BBS2: variants seen among roughly 807,000 people sequenced by gnomAD.
BBS2 encodes the protein BBSome complex member BBS2.
In BBS2, 62 loss-of-function variants were observed where a neutral mutation model predicts 83.0. That is an observed-to-expected ratio of 0.75 (90% CI 0.61 to 0.92). The LOEUF is 0.92. BBS2 is among the 40% of genes least tolerant of loss of function. The probability of loss-of-function intolerance (pLI) is 0.00; values close to 1 mark genes in which losing one functional copy is unlikely to be tolerated. For missense variants in BBS2, 784 were observed against 901.0 expected, an observed-to-expected ratio of 0.87 and a Z score of 1.66; for synonymous variants, 303 against 326.1, an observed-to-expected ratio of 0.93 and a Z score of 0.76.
At chr16:56,495,961 A>G (rs1276308128) in intron 15 of BBS2, among the ~76,000 whole-genome samples, 1 of 151,978 alleles carries the variant, frequency 6.6e-6, no homozygotes, top group Non-Finnish European at 1.5e-5. Flanking sequence ...TAACTGTTGA[A>G]GTTGGGTGGG....
At chr16:56,519,658 C>T in intron 1 of BBS2, 88 bp downstream of exon 1, 1 of 1,078,494 alleles carries the variant, frequency 9.3e-7, no homozygotes, top group South Asian at 1.3e-5. Context: ...GGGGCGGGGT[C>T]GGAGAGGGGA....
chr16:56,496,716 A>C (rs1023942125), intron 15 of BBS2, among the ~76,000 whole-genome samples: 1 of 152,234 alleles, frequency 6.6e-6, no homozygotes, highest in Non-Finnish European at 1.5e-5. Flanking sequence ...TGCCTTTACA[A>C]ATATTCTTAT....
rs778543585 is a variant in BBS2 at position 56,506,152 on chromosome 16, A to G, written c.685T>C (p.Tyr229His). 8.4e-5 allele frequency: 135 copies of G among 1,613,958 alleles called. No individual in the cohort carries two copies. Among genetic ancestry groups the G allele is most frequent in the Non-Finnish European group, 1.1e-4 (130 of 1,179,954 alleles). ...YALSNGTVGV[Y>H]DKTSRYWRIK... is the part of the protein sequence containing the mutation. ...CTCCAGTATCGGGATGTTTTGTCAT[A>G]AACTCCAACTGTGCCATTGGAAAGG... The change falls in exon 6 of 17, where the codon TAT becomes CAT. Residue 229 changes from tyrosine to histidine, a missense_variant. Physicochemically the swap from Tyr to His is moderately conservative, Grantham distance 83. Coordinates refer to ENST00000245157, the MANE Select transcript of BBS2 (RefSeq NM_031885.5).
intron 13 of BBS2, among the ~76,000 whole-genome samples, chr16:56,498,196 A>C (rs1460885588): frequency 6.6e-6 from 1 of 152,172 alleles, no homozygotes. Flanking sequence ...GAGGCAGAAA[A>C]CAGCTATTCC....
downstream of BBS2, among the ~76,000 whole-genome samples, chr16:56,479,592 T>C (rs528521085): frequency 6.6e-6 from 1 of 152,352 alleles, no homozygotes; most frequent in East Asian, 1.9e-4. Context: ...TGACAGCCAC[T>C]GGTAGCTTTG....
At chr16:56,489,565 G>A (rs1054723989) in intron 15 of BBS2, among the ~76,000 whole-genome samples, 5 of 152,000 alleles carry the variant, frequency 3.3e-5, no homozygotes, top group African/African-American at 1.2e-4. Flanking sequence ...GGGAGGCCGA[G>A]GTTGGTGGAT....
At chr16:56,485,210 C>T (rs1298422090) in intron 16 of BBS2, among the ~76,000 whole-genome samples, 1 of 152,124 alleles carries the variant, frequency 6.6e-6, no homozygotes, top group Non-Finnish European at 1.5e-5. Context: ...TGGGTTTATC[C>T]TATTGTTCTT....
In BBS2 at chr16:56,514,582, G is replaced by A. The variant is rs375853147; in HGVS notation, c.216C>T (p.Asn72=). 6.2e-7 allele frequency: 1 copy of A among 1,614,094 alleles called. No individual in the cohort carries two copies. Among genetic ancestry groups the A allele is most frequent in the Non-Finnish European group, 8.5e-7 (1 of 1,179,964 alleles). The change falls in exon 2 of 17, where the codon AAC becomes AAT. Residue 72 remains asparagine (N), a synonymous_variant. Transcript: ENST00000245157. ...CTGCAGTCAGACAGCTGACTGCCTG[G>A]TTAATGCTGAGAAGAGAAACATCAG... The part of the protein sequence containing the change: ...LESDVSLLSI[N]QAVSCLTAGV...
Position 56,516,679 on chromosome 16 carries a change from C to T in BBS2, c.118-1999G>A, listed in dbSNP as rs188344921. Reference sequence around the variant, plus strand: ...AAGTACTGGGATTGCAGGTGTTGAGCCACCATGCCCGGCCAGAGATTCCTT... The same window carrying T: ...AAGTACTGGGATTGCAGGTGTTGAGTCACCATGCCCGGCCAGAGATTCCTT... On this transcript the variant is annotated intron_variant, in intron 1 of 16. Coordinates refer to ENST00000245157, the MANE Select transcript of BBS2 (RefSeq NM_031885.5). Among the ~76,000 whole-genome samples, 305 of 152,248 alleles carry T rather than the reference C, an allele frequency of 2.0e-3. 2 individuals are homozygous for T. The highest frequency in any genetic ancestry group is 1.2e-3 in the Non-Finnish European group (81 of 68,034).
chr16:56,487,730 C>T (rs75958745), intron 15 of BBS2, among the ~76,000 whole-genome samples: 7 of 152,066 alleles, frequency 4.6e-5, no homozygotes, highest in South Asian at 2.1e-4. Flanking sequence ...ATTTTTGTTA[C>T]GGAGCTACAA....
At chr16:56,505,845 G>T in intron 7 of BBS2, 105 bp downstream of exon 7, 1 of 859,070 alleles carries the variant, frequency 1.2e-6, no homozygotes, top group Non-Finnish European at 2.0e-6. Context: ...GCCAAGGAAC[G>T]AACTGAAGTT....
At chr16:56,508,531 C>T (rs1964488158) in intron 5 of BBS2, among the ~76,000 whole-genome samples, 1 of 152,116 alleles carries the variant, frequency 6.6e-6, no homozygotes. Flanking sequence ...GGAAAACCAG[C>T]AGCAAATAAA....
chr16:56,509,799 C>T, intron 5 of BBS2, 158 bp downstream of exon 5: 1 of 652,920 alleles, frequency 1.5e-6, no homozygotes, highest in South Asian at 1.8e-5. Flanking sequence ...TATTGCTTTT[C>T]TTACCATAAC....
At chr16:56,506,296 A>G in intron 5 of BBS2, 72 bp from the exon 6 acceptor site, 1 of 1,123,462 alleles carries the variant, frequency 8.9e-7, no homozygotes, top group Non-Finnish European at 1.3e-6. Flanking sequence ...CGGCTTTATA[A>G]GACTTCACAC....
At chr16:56,509,885 A>G (rs964558677) in intron 5 of BBS2, 72 bp downstream of exon 5, 1 of 1,527,870 alleles carries the variant, frequency 6.5e-7, no homozygotes, top group Non-Finnish European at 9.1e-7. Flanking sequence ...CAGCACTCTC[A>G]CTTGATGTTT....
chr16:56,509,749 T>G, intron 5 of BBS2: 1 of 548,934 alleles, frequency 1.8e-6, no homozygotes, highest in South Asian at 2.1e-5. Flanking sequence ...TTTTTCTCTA[T>G]TTAATCAGTC....
chr16:56,494,821 G>A (rs1454105108), intron 15 of BBS2, among the ~76,000 whole-genome samples: 1 of 152,114 alleles, frequency 6.6e-6, no homozygotes, highest in Non-Finnish European at 1.5e-5. Flanking sequence ...AATTAGCCGG[G>A]CTTGGTGGCG....
intron 5 of BBS2, 149 bp from the exon 6 acceptor site, chr16:56,506,373 C>A: frequency 1.4e-6 from 1 of 693,182 alleles, no homozygotes; most frequent in Non-Finnish European, 2.6e-6. Context: ...GGAATGTATT[C>A]CTCTTCTCTA....
chr16:56,510,067 G>A (rs1964534092), intron 4 of BBS2, 33 bp from the exon 5 acceptor site: 2 of 1,603,274 alleles, frequency 1.2e-6, no homozygotes, highest in African/African-American at 2.7e-5. Flanking sequence ...GTTCAGGTGA[G>A]TAAGTGCAAA....
Sources: gnomAD v4.1 joint callset for allele counts (sites outside exome capture counted in the v4.1 genomes callset) on GRCh38, gnomAD v4.1.1 for gene constraint, MANE v1.5 for transcripts, NCBI Gene and HGNC (gene_info 2026-07-23, HGNC 2026-07-21) for gene names.